RGS3: variants seen among roughly 807,000 people sequenced by gnomAD.
The protein encoded by RGS3 is regulator of G-protein signalling 3.
RGS3 carries 80 observed loss-of-function variants against 132.6 expected under a neutral mutation model. The ratio of observed to expected loss-of-function variants is 0.60; its 90% CI spans 0.50 to 0.73. RGS3 has a LOEUF of 0.73. RGS3 is among the 30% of genes least tolerant of loss of function. The probability of loss-of-function intolerance (pLI) is 0.00; values close to 1 mark genes in which losing one functional copy is unlikely to be tolerated. For missense variants in RGS3, 1,382 were observed against 1,530.8 expected (o/e 0.90, Z 1.62); for synonymous variants, 598 against 620.6 (o/e 0.96, Z 0.54).
At chr9:113,523,005 A>G in exon 17 of RGS3, 1 of 1,614,008 alleles carries the variant, frequency 6.2e-7, no homozygotes, top group East Asian at 2.2e-5. Context: ...CGTCCTGAGG[A>G]ACCCCCTCTA....
Position 113,509,782 on chromosome 9 carries a change from G to A in RGS3, c.1477+1202G>A, listed in dbSNP as rs541696477. On this transcript the variant is annotated intron_variant, in intron 14 of 24. Coordinates refer to ENST00000350696, the Ensembl canonical transcript of RGS3. Reference sequence around the variant, plus strand: ...TTGGAAAAGTGCTTGTGCCTTTTGCGGGTGTGAAGCGCTCCCATCAGGCTC... The same window carrying A: ...TTGGAAAAGTGCTTGTGCCTTTTGCAGGTGTGAAGCGCTCCCATCAGGCTC... Among the ~76,000 whole-genome samples the A allele has an allele frequency of 2.6e-5, 4 of 152,250 alleles. No homozygotes were observed. In the East Asian group the frequency reaches 7.7e-4, roughly 29 times the overall value.
At chr9:113,459,754 A>AT (rs1564443724), upstream of RGS3, among the ~76,000 whole-genome samples, 2 of 151,492 alleles carry the variant, frequency 1.3e-5, no homozygotes, top group Non-Finnish European at 1.5e-5. Flanking sequence ...ATAAAAAAAA[A>AT]GAGGCCGGGC....
intron 19 of RGS3, among the ~76,000 whole-genome samples, chr9:113,557,992 G>A (rs536505079): frequency 1.3e-5 from 2 of 152,320 alleles, no homozygotes; most frequent in African/African-American, 2.4e-5. Flanking sequence ...GCTGATGCTG[G>A]CCTCATAGAG....
At chr9:113,577,618 A>G (rs1424550012) in intron 19 of RGS3, among the ~76,000 whole-genome samples, 4 of 152,146 alleles carry the variant, frequency 2.6e-5, no homozygotes, top group Admixed American at 6.5e-5. Flanking sequence ...GTCTCCATCC[A>G]TGTCCCTGGG....
At chr9:113,505,575 G>T in intron 11 of RGS3, 52 bp downstream of exon 9, 1 of 1,459,784 alleles carries the variant, frequency 6.9e-7, no homozygotes, top group African/African-American at 1.4e-5. Flanking sequence ...ACACATGTGG[G>T]CTTTGCAAAC....
chr9:113,558,210 A>G (rs1310765421), intron 19 of RGS3, among the ~76,000 whole-genome samples: 1 of 152,196 alleles, frequency 6.6e-6, no homozygotes, highest in Non-Finnish European at 1.5e-5. Context: ...GGTGCTCAAA[A>G]GTCTAGCTCA....
intron 11 of RGS3, 94 bp downstream of exon 9, chr9:113,505,617 T>G: frequency 1.1e-6 from 1 of 915,102 alleles, no homozygotes; most frequent in South Asian, 1.4e-5. Context: ...AGCCCCAAAC[T>G]GGAGCAAAGT....
intron 1 of RGS3, among the ~76,000 whole-genome samples, chr9:113,447,187 G>C (rs1367287387): frequency 6.7e-6 from 1 of 148,346 alleles, no homozygotes; most frequent in Non-Finnish European, 1.5e-5. Flanking sequence ...GATTGAACCC[G>C]GGAGGTAGAG....
chr9:113,593,907 T>C, intron 21 of RGS3: 1 of 1,582,972 alleles, frequency 6.3e-7, no homozygotes, highest in Non-Finnish European at 8.6e-7. Context: ...CCCACCACTG[T>C]CTCCCTGCTG....
chr9:113,594,272 C>G, intron 21 of RGS3, 158 bp from the exon 20 acceptor site: 1 of 1,607,544 alleles, frequency 6.2e-7, no homozygotes, highest in Non-Finnish European at 8.5e-7. Flanking sequence ...GGGGGCCCTA[C>G]AGAGATGCTC....
rs1564576720 is a variant in RGS3, at chr9:113,565,290, A to G, written c.2038-18160A>G. 2 of 1,289,568 alleles carry G rather than the reference A, an allele frequency of 1.6e-6. No individual in the cohort carries two copies. The highest frequency in any genetic ancestry group is 2.5e-5 in the South Asian group (2 of 81,012). The allele number at this position is 1,289,568 out of a possible 1,614,324, so 79.9% of individuals were successfully genotyped here. On this transcript the variant is annotated intron_variant, in intron 19 of 24. Transcript: ENST00000350696. This position sits in a 1 kb window ranked among gnomAD's most constrained non-coding sequence, Gnocchi z 5.7. ...TCGGATGAAAGTGCTTTGAGAAACCACAGAGTTTTCTGTTTAATGGAAGAA... is the reference window on the plus strand; with the variant it reads ...TCGGATGAAAGTGCTTTGAGAAACCGCAGAGTTTTCTGTTTAATGGAAGAA...
intron 3 of RGS3, among the ~76,000 whole-genome samples, chr9:113,471,518 A>G (rs940115582): frequency 2.6e-5 from 4 of 152,054 alleles, no homozygotes; most frequent in Admixed American, 6.6e-5. Context: ...TGGATCTGTC[A>G]TCCCAGAAAT....
chr9:113,544,704 G>T (rs1003987512), intron 19 of RGS3, among the ~76,000 whole-genome samples: 1 of 152,216 alleles, frequency 6.6e-6, no homozygotes, highest in Non-Finnish European at 1.5e-5. Context: ...TTTTATGGAT[G>T]AAAGACACCA....
chr9:113,565,554 A>G lies in RGS3; in HGVS notation c.2038-17896A>G, dbSNP rs1031344376. On this transcript the variant is annotated intron_variant, in intron 19 of 24. Transcript: ENST00000350696. This position sits in a 1 kb window ranked among gnomAD's most constrained non-coding sequence, Gnocchi z 5.7. Reference sequence around the variant, plus strand: ...CTGGGGAACTTGGGTAAGTCCATAAATAGCTCTGCTGACACAAAGGAGCTC... The same window carrying G: ...CTGGGGAACTTGGGTAAGTCCATAAGTAGCTCTGCTGACACAAAGGAGCTC... 11 of 346,502 alleles carry G rather than the reference A, an allele frequency of 3.2e-5. No individual in the cohort carries two copies. Among genetic ancestry groups the G allele is most frequent in the South Asian group, 2.2e-4 (9 of 41,398 alleles). The allele number at this position is 346,502 out of a possible 1,614,324, so 21.5% of individuals were successfully genotyped here. A position where few individuals can be genotyped will look rare whatever the true frequency, so the allele number is the denominator to read the frequency against.
chr9:113,463,577 C>G lies in RGS3; in HGVS notation c.415+1376C>G, dbSNP rs111873762. The G allele has an allele frequency of 3.7e-4, 145 of 394,604 alleles. No individual in the cohort carries two copies. The highest frequency in any genetic ancestry group is 4.5e-4 in the Non-Finnish European group (131 of 290,308). 24.4% of individuals were successfully genotyped at this position (394,604 alleles called of 1,614,324 possible). A position where few individuals can be genotyped will look rare whatever the true frequency, so the allele number is the denominator to read the frequency against. On this transcript the variant is annotated intron_variant, in intron 3 of 24. Transcript: ENST00000350696. The surrounding 1 kb of genome is among the most constrained non-coding windows in gnomAD (Gnocchi z 4.6). ...GCCGTCGCTGCTCAGCGCGGGTCGG[C>G]GGCGCCGCCTCCCCCACCCCGGCCC...
intron 3 of RGS3, among the ~76,000 whole-genome samples, chr9:113,469,613 G>T (rs1250705950): frequency 6.6e-6 from 1 of 151,630 alleles, no homozygotes. Flanking sequence ...AAAAACCTTT[G>T]TAACTTTCAC....
At chr9:113,588,896 T>C (rs139958574) in intron 20 of RGS3, among the ~76,000 whole-genome samples, 46 of 152,382 alleles carry the variant, frequency 3.0e-4, no homozygotes, top group African/African-American at 1.0e-3. Flanking sequence ...AGCTAATAAA[T>C]GATTGAGCTA....
intron 20 of RGS3, among the ~76,000 whole-genome samples, chr9:113,586,852 T>C (rs1186265301): frequency 2.0e-5 from 3 of 152,192 alleles, no homozygotes; most frequent in African/African-American, 7.2e-5. Context: ...TAATGCCTCC[T>C]TCCTAGGGTT....
intron 19 of RGS3, among the ~76,000 whole-genome samples, chr9:113,571,915 GATAA>G (rs1834309179): frequency 6.6e-6 from 1 of 152,092 alleles, no homozygotes; most frequent in Non-Finnish European, 1.5e-5. Flanking sequence ...ATTTTCTCTG[GATAA>G]ATATTCAATG....
Sources: allele counts gnomAD v4.1 joint callset (sites outside exome capture counted in the v4.1 genomes callset), GRCh38; gene constraint gnomAD v4.1.1; non-coding constraint Gnocchi (gnomAD v3.1); transcripts MANE v1.5; gene names NCBI Gene and HGNC (gene_info 2026-07-23, HGNC 2026-07-21).